The following HPSE2 variants were observed in gnomAD, a reference collection of about 807,000 sequenced individuals.
HPSE2 encodes the protein heparanase 2 (inactive), also known as inactive heparanase-2.
Under a neutral mutation model 60.5 loss-of-function variants are expected in HPSE2, and 38 were observed. The observed-to-expected ratio is 0.63, with a 90% CI of 0.48 to 0.82. HPSE2 has a LOEUF of 0.82. Ranked by LOEUF, HPSE2 falls within the 40% of genes least tolerant of loss-of-function variation. HPSE2 has a pLI of 0.00. For missense variants in HPSE2, 713 were observed against 740.4 expected (o/e 0.96, Z 0.43); for synonymous variants, 295 against 293.2 (o/e 1.01, Z -0.06).
intron 7 of HPSE2, among the ~76,000 whole-genome samples, chr10:98,638,338 G>A (rs1047705443): frequency 2.0e-5 from 3 of 151,372 alleles, no homozygotes; most frequent in South Asian, 2.1e-4. Context: ...CCAGCTACTC[G>A]GGAGGCTGCG....
intron 9 of HPSE2, among the ~76,000 whole-genome samples, chr10:98,609,050 A>G (rs895900070): frequency 1.3e-5 from 2 of 152,132 alleles, no homozygotes; most frequent in African/African-American, 4.8e-5. Context: ...TAAATATACT[A>G]CTGCTTCTGT....
At chr10:99,242,534 T>C in the HPSE2 span, among the ~76,000 whole-genome samples, 2 of 152,176 alleles carry the variant, frequency 1.3e-5, no homozygotes, top group African/African-American at 2.4e-5. Flanking sequence ...CTGCTAGAGA[T>C]AGAAAACTAA....
At chr10:98,584,804 T>C (rs1373277475) in intron 9 of HPSE2, among the ~76,000 whole-genome samples, 1 of 152,152 alleles carries the variant, frequency 6.6e-6, no homozygotes, top group Non-Finnish European at 1.5e-5. Context: ...GCTTTGGAGA[T>C]ATTCTGGGAA....
At chr10:98,511,541 G>A (rs369585496) in intron 9 of HPSE2, among the ~76,000 whole-genome samples, 2 of 146,826 alleles carry the variant, frequency 1.4e-5, no homozygotes, top group African/African-American at 4.9e-5. Context: ...AAGTTGTCCC[G>A]AAAACATAAC....
intron 6 of HPSE2, among the ~76,000 whole-genome samples, chr10:98,678,795 A>C (rs1044563595): frequency 2.6e-4 from 39 of 152,198 alleles, no homozygotes; most frequent in African/African-American, 8.9e-4. Context: ...TAAAATTGTA[A>C]TTTGCCTTAT....
At chr10:98,553,239 A>G (rs1489473067) in intron 9 of HPSE2, among the ~76,000 whole-genome samples, 1 of 152,214 alleles carries the variant, frequency 6.6e-6, no homozygotes, top group African/African-American at 2.4e-5. Context: ...TGGGAATATT[A>G]AAAAGATAAG....
intron 9 of HPSE2, among the ~76,000 whole-genome samples, chr10:98,592,880 T>C (rs1436228174): frequency 6.6e-6 from 1 of 152,192 alleles, no homozygotes; most frequent in Non-Finnish European, 1.5e-5. Context: ...GTCCATTTTA[T>C]AGTTGATATA....
chr10:98,532,955 T>C lies in HPSE2; in HGVS notation c.1321-42759A>G, dbSNP rs79639968. The stretch of plus-strand genomic sequence containing the variant: ...TTCATGGGCCTGAGCCTATTTCCAT[T>C]TTAACAGATGCTCTGGGCTTACTTT... On this transcript the variant is annotated intron_variant, in intron 9 of 11. Transcript: ENST00000370552. 1.8e-3 allele frequency among the ~76,000 whole-genome samples: 270 copies of C among 152,336 alleles called. 1 individual carries two copies. The highest frequency in any genetic ancestry group is 3.2e-3 in the Non-Finnish European group (217 of 68,032).
chr10:98,529,063 C>T (rs796489953), intron 9 of HPSE2, among the ~76,000 whole-genome samples: 38 of 152,330 alleles, frequency 2.5e-4, no homozygotes, highest in African/African-American at 7.0e-4. Context: ...TTTTCAAATG[C>T]GCGCACGCGC....
chr10:99,031,900 C>T (rs886921732), intron 3 of HPSE2, among the ~76,000 whole-genome samples: 1 of 152,096 alleles, frequency 6.6e-6, no homozygotes, highest in African/African-American at 2.4e-5. Flanking sequence ...AAATACCAGC[C>T]AAGTTCAAAT....
chr10:98,991,986 C>G (rs1462894978), intron 3 of HPSE2, among the ~76,000 whole-genome samples: 1 of 152,178 alleles, frequency 6.6e-6, no homozygotes, highest in Non-Finnish European at 1.5e-5. Flanking sequence ...ACATACCTTT[C>G]TCTAAAGCCA....
chr10:98,549,684 G>T (rs1943802112), intron 9 of HPSE2, among the ~76,000 whole-genome samples: 1 of 152,132 alleles, frequency 6.6e-6, no homozygotes, highest in Non-Finnish European at 1.5e-5. Context: ...TACCAAATAT[G>T]AGGGCTTTTC....
At chr10:98,954,980 A>ATATATATATATATACATATTTATT (rs1554851416) in intron 3 of HPSE2, among the ~76,000 whole-genome samples, 3 of 147,006 alleles carry the variant, frequency 2.0e-5, no homozygotes, top group Admixed American at 6.8e-5. Context: ...ATACATATTT[A>ATATATATATATATACATATTTATT]TATATATATA....
intron 3 of HPSE2, among the ~76,000 whole-genome samples, chr10:98,819,820 A>G (rs557085239): frequency 1.8e-4 from 28 of 152,242 alleles, no homozygotes; most frequent in African/African-American, 6.0e-4. Flanking sequence ...ATTACAGAAG[A>G]ATGTAAAGCT....
intron 3 of HPSE2, among the ~76,000 whole-genome samples, chr10:98,962,608 G>T (rs1466013536): frequency 1.3e-5 from 2 of 150,562 alleles, no homozygotes; most frequent in Non-Finnish European, 2.9e-5. Flanking sequence ...AGGAAATAAA[G>T]GGTATTCAAT....
At chr10:98,957,249 C>T (rs937644658) in intron 3 of HPSE2, among the ~76,000 whole-genome samples, 14 of 152,228 alleles carry the variant, frequency 9.2e-5, no homozygotes, top group Non-Finnish European at 1.8e-4. Flanking sequence ...TTCTAGAGGG[C>T]AGGTGTGAGG....
intron 6 of HPSE2, among the ~76,000 whole-genome samples, chr10:98,693,595 CAG>C (rs1182174280): frequency 6.6e-6 from 1 of 152,154 alleles, no homozygotes; most frequent in African/African-American, 2.4e-5. Context: ...TATGGGAAAA[CAG>C]TGGCATGCTC....
intron 5 of HPSE2, among the ~76,000 whole-genome samples, chr10:98,710,801 T>C (rs1948657375): frequency 6.6e-6 from 1 of 152,114 alleles, no homozygotes; most frequent in Non-Finnish European, 1.5e-5. Context: ...GTACCACATG[T>C]GGTATTGTTC....
intron 11 of HPSE2, among the ~76,000 whole-genome samples, chr10:98,465,900 T>C (rs6584206): frequency 0.67 from 102,600 of 152,068 alleles, 34,930 homozygotes; most frequent in African/African-American, 0.75. Flanking sequence ...GTCTGAGTTA[T>C]TTTCCAATCC....
Sources: allele counts gnomAD v4.1 joint callset (sites outside exome capture counted in the v4.1 genomes callset), GRCh38; gene constraint gnomAD v4.1.1; transcripts MANE v1.5; gene names NCBI Gene and HGNC (gene_info 2026-07-23, HGNC 2026-07-21).